Variants in DLGAP2 observed in about 807,000 individuals in gnomAD.
DLGAP2 encodes disks large-associated protein 2.
In DLGAP2, 26 loss-of-function variants were observed where a neutral mutation model predicts 100.3. The ratio of observed to expected loss-of-function variants is 0.26; its 90% CI spans 0.19 to 0.36. The LOEUF (loss-of-function observed/expected upper bound fraction) is 0.36, where lower values mean the gene tolerates loss of function less well. Among genes scored for constraint, DLGAP2 ranks in the 10% least tolerant of loss-of-function variants. DLGAP2 has a pLI of 1.00. For missense variants in DLGAP2, 1,858 were observed against 1,453.2 expected (o/e 1.28, Z -4.53); for synonymous variants, 886 against 630.1 (o/e 1.41, Z -6.08).
intron 1 of DLGAP2, among the ~76,000 whole-genome samples, chr8:804,376 A>G (rs1210580358): frequency 6.6e-6 from 1 of 152,224 alleles, no homozygotes; most frequent in Non-Finnish European, 1.5e-5. Context: ...TTTGGGGTCC[A>G]CACATATCCC....
At chr8:801,758 G>A (rs555678955) in intron 1 of DLGAP2, among the ~76,000 whole-genome samples, 8 of 152,264 alleles carry the variant, frequency 5.3e-5, no homozygotes, top group Non-Finnish European at 7.4e-5. Context: ...GAGAAATAAC[G>A]TTCACAATAG....
At chr8:1,463,798 C>T (rs1443410750) in intron 3 of DLGAP2, among the ~76,000 whole-genome samples, 4 of 152,222 alleles carry the variant, frequency 2.6e-5, no homozygotes, top group Non-Finnish European at 5.9e-5. Flanking sequence ...CAGGTGCAGC[C>T]ACGAGGGCTT....
intron 2 of DLGAP2, among the ~76,000 whole-genome samples, chr8:920,336 T>A (rs1446525929): frequency 6.6e-6 from 1 of 152,260 alleles, no homozygotes; most frequent in East Asian, 1.9e-4. Context: ...AGGAAGCCCC[T>A]GTTATCAGGG....
chr8:1,410,543 G>A (rs1016618665), intron 3 of DLGAP2, among the ~76,000 whole-genome samples: 10 of 152,192 alleles, frequency 6.6e-5, no homozygotes, highest in Admixed American at 1.3e-4. Context: ...CTGCATTTCC[G>A]CACAGGTCGA....
At chr8:1,605,591 T>C (rs1796771391) in intron 6 of DLGAP2, among the ~76,000 whole-genome samples, 1 of 152,154 alleles carries the variant, frequency 6.6e-6, no homozygotes, top group Non-Finnish European at 1.5e-5. Flanking sequence ...CAATTAGCAA[T>C]CAAAGACTTT....
intron 3 of DLGAP2, among the ~76,000 whole-genome samples, chr8:1,357,681 G>C (rs1801887045): frequency 6.6e-6 from 1 of 152,128 alleles, no homozygotes; most frequent in Admixed American, 6.5e-5. Context: ...CGGATTTTAA[G>C]TCTCATAACA....
At chr8:1,202,667 G>T (rs886918498) in intron 2 of DLGAP2, among the ~76,000 whole-genome samples, 1 of 152,160 alleles carries the variant, frequency 6.6e-6, no homozygotes, top group Non-Finnish European at 1.5e-5. Flanking sequence ...TCCTTCACCT[G>T]TCCCAGTCAA....
At chr8:1,066,183 C>G (rs764796242) in intron 2 of DLGAP2, among the ~76,000 whole-genome samples, 1 of 148,396 alleles carries the variant, frequency 6.7e-6, no homozygotes, top group Non-Finnish European at 1.5e-5. Context: ...AGTTCCCCAC[C>G]ACGGTCAGGT....
intron 2 of DLGAP2, among the ~76,000 whole-genome samples, chr8:1,189,699 T>C (rs954462545): frequency 6.6e-6 from 1 of 151,688 alleles, no homozygotes; most frequent in South Asian, 2.1e-4. Context: ...TCAGGAAGTT[T>C]ACAGTTTGTA....
rs371983219 is a variant in DLGAP2, at chr8:1,054,977, C to T, written c.73+147011C>T. Among the ~76,000 whole-genome samples the T allele has an allele frequency of 1.2e-4, 19 of 152,304 alleles. 1 individual carries two copies. The South Asian group carries it at 3.9e-3, about 32-fold the overall frequency. ...TAGTTTTTCCTCATGAAGCAATAATCGCATATAGCAAATTGAATATACTTC... is the reference window on the plus strand; with the variant it reads ...TAGTTTTTCCTCATGAAGCAATAATTGCATATAGCAAATTGAATATACTTC... On this transcript the variant is annotated intron_variant, in intron 2 of 14. Transcript: ENST00000637795.
chr8:1,237,351 A>G lies in DLGAP2; in HGVS notation c.74-21500A>G, dbSNP rs1439007760. On this transcript the variant is annotated intron_variant, in intron 2 of 14. Coordinates refer to ENST00000637795, the MANE Select transcript of DLGAP2 (RefSeq NM_001346810.2). Reference sequence around the variant, plus strand: ...AGTTCTCTCACATGGTGCCGTGTCTAGTTCTCTCACATGGCGCCGTGTCTG... The same window carrying G: ...AGTTCTCTCACATGGTGCCGTGTCTGGTTCTCTCACATGGCGCCGTGTCTG... Among the ~76,000 whole-genome samples the G allele has an allele frequency of 2.3e-4, 22 of 96,810 alleles. No individual in the cohort carries two copies. In the East Asian group the frequency reaches 5.8e-3, roughly 26 times the overall value. 63.5% of individuals were successfully genotyped at this position (96,810 alleles called of 152,430 possible).
At chr8:891,058 A>G (rs924658788) in intron 1 of DLGAP2, among the ~76,000 whole-genome samples, 6 of 151,574 alleles carry the variant, frequency 4.0e-5, no homozygotes, top group African/African-American at 1.2e-4. Flanking sequence ...AGGGTGTGGC[A>G]TCCTCTTCTG....
chr8:1,381,100 G>A (rs919744206), intron 3 of DLGAP2: 1 of 151,926 alleles, frequency 6.6e-6, no homozygotes, highest in Non-Finnish European at 1.5e-5. Context: ...AGGTCACGGC[G>A]CATGGTGAGG....
intron 3 of DLGAP2, among the ~76,000 whole-genome samples, chr8:1,319,777 G>A (rs900277725): frequency 2.0e-5 from 3 of 152,314 alleles, no homozygotes; most frequent in East Asian, 3.9e-4. Context: ...GGGAGATGTT[G>A]TCTGTAAGGG....
intron 2 of DLGAP2, among the ~76,000 whole-genome samples, chr8:1,174,556 C>T (rs568239443): frequency 2.1e-5 from 3 of 140,082 alleles, no homozygotes; most frequent in African/African-American, 8.1e-5. Context: ...TCACCAAAGT[C>T]ATTATTACCA....
chr8:1,264,883 G>A (rs891605125), intron 3 of DLGAP2, among the ~76,000 whole-genome samples: 9 of 152,174 alleles, frequency 5.9e-5, no homozygotes, highest in Admixed American at 2.0e-4. Flanking sequence ...TGCTGTTCTC[G>A]TGATAGTGAA....
chr8:1,121,391 C>T (rs1243415933), intron 2 of DLGAP2, among the ~76,000 whole-genome samples: 2 of 151,748 alleles, frequency 1.3e-5, no homozygotes, highest in Admixed American at 1.3e-4. Context: ...CTTTAGAAAC[C>T]CTGACCACCC....
At chr8:1,301,443 C>CT (rs1408715081) in intron 3 of DLGAP2, 16,851 of 145,858 alleles carry the variant, frequency 0.12, 1,644 homozygotes, top group African/African-American at 0.27. Flanking sequence ...CCAACCTCCA[C>CT]TTTTTTTTTT....
At chr8:1,245,895 G>T (rs1356988038) in intron 2 of DLGAP2, among the ~76,000 whole-genome samples, 1 of 152,206 alleles carries the variant, frequency 6.6e-6, no homozygotes, top group Non-Finnish European at 1.5e-5. Flanking sequence ...CGAAGGGTGG[G>T]TGGTCCCAGT....
Sources: gnomAD v4.1 joint callset for allele counts (sites outside exome capture counted in the v4.1 genomes callset) on GRCh38, gnomAD v4.1.1 for gene constraint, MANE v1.5 for transcripts, NCBI Gene and HGNC (gene_info 2026-07-23, HGNC 2026-07-21) for gene names.